The following IL1RL1 variants were observed in gnomAD, a reference collection of about 807,000 sequenced individuals.
The protein encoded by IL1RL1 is interleukin-1 receptor-like 1.
In IL1RL1, 32 loss-of-function variants were observed where a neutral mutation model predicts 50.9. The observed-to-expected ratio is 0.63, with a 90% CI of 0.47 to 0.84. The LOEUF (loss-of-function observed/expected upper bound fraction) is 0.84. Ranked by LOEUF, IL1RL1 falls within the 40% of genes least tolerant of loss-of-function variation. IL1RL1 has a pLI of 0.00. For missense variants in IL1RL1, 773 were observed against 662.9 expected, an observed-to-expected ratio of 1.17 and a Z score of -1.82; for synonymous variants, 275 against 236.0, an observed-to-expected ratio of 1.17 and a Z score of -1.51.
intron 1 of IL1RL1, among the ~76,000 whole-genome samples, chr2:102,314,547 C>T (rs1676618118): frequency 6.6e-6 from 1 of 152,116 alleles, no homozygotes; most frequent in Non-Finnish European, 1.5e-5. Flanking sequence ...AACTGCAGAT[C>T]CTATCTAAGA....
chr2:102,343,774 TC>T (rs1677676705), intron 8 of IL1RL1: 1 of 1,141,412 alleles, frequency 8.8e-7, no homozygotes, highest in Non-Finnish European at 1.1e-6. Context: ...TCTTTTGTGC[TC>T]TTTTATAACT....
intron 1 of IL1RL1, among the ~76,000 whole-genome samples, chr2:102,330,685 T>C (rs1441250692): frequency 6.6e-6 from 1 of 152,240 alleles, no homozygotes; most frequent in East Asian, 1.9e-4. Context: ...GAGTTATTTA[T>C]GAAGTATAGA....
intron 1 of IL1RL1, among the ~76,000 whole-genome samples, chr2:102,317,658 T>TA (rs1246349734): frequency 3.3e-5 from 5 of 151,990 alleles, no homozygotes; most frequent in African/African-American, 4.8e-5. Context: ...CTTATAAAAA[T>TA]AAAAAAAGAT....
chr2:102,341,586 C>T (rs1175336211), intron 5 of IL1RL1, among the ~76,000 whole-genome samples: 2 of 152,102 alleles, frequency 1.3e-5, no homozygotes, highest in South Asian at 2.1e-4. Flanking sequence ...AATACTCCAC[C>T]GCTGTAAAAT....
chr2:102,340,308 A>G (rs1357505733), intron 4 of IL1RL1, 36 bp downstream of exon 4: 2 of 1,535,334 alleles, frequency 1.3e-6, no homozygotes, highest in Non-Finnish European at 8.8e-7. Context: ...GATGAAAATT[A>G]CACAATTAAA....
At position 102,340,841 on chromosome 2, in the gene IL1RL1, C is replaced by T; in HGVS notation, c.610+13C>T. ...TTCACGGTCAAGGGTAAGCTACTGA[C>T]ATTAATGAGATAGAATACTACGTGA... On this transcript the variant is annotated intron_variant, in intron 5 of 10. Coordinates refer to ENST00000233954, the MANE Select transcript of IL1RL1 (RefSeq NM_016232.5). 1 of 1,552,480 alleles carries T rather than the reference C, an allele frequency of 6.4e-7. No individual in the cohort carries two copies. Among genetic ancestry groups the T allele is most frequent in the Admixed American group, 2.3e-5 (1 of 43,178 alleles).
chr2:102,314,783 G>A (rs924231083), intron 1 of IL1RL1, among the ~76,000 whole-genome samples: 2 of 152,164 alleles, frequency 1.3e-5, no homozygotes, highest in African/African-American at 2.4e-5. Context: ...GTTGCAATGG[G>A]CAGCACAGCC....
intron 1 of IL1RL1, among the ~76,000 whole-genome samples, chr2:102,319,798 C>G (rs1412477731): frequency 6.6e-6 from 1 of 152,184 alleles, no homozygotes; most frequent in African/African-American, 2.4e-5. Context: ...AAGCGATCCT[C>G]TTGCCTCAGC....
At chr2:102,340,342 G>A (rs1677503823) in intron 4 of IL1RL1, 70 bp downstream of exon 4, 1 of 1,314,700 alleles carries the variant, frequency 7.6e-7, no homozygotes, top group African/African-American at 1.5e-5. Context: ...GCCGGGCACA[G>A]TGGCTCATGC....
Position 102,351,563 on chromosome 2 carries a change from T to C in IL1RL1, c.1313T>C (p.Ile438Thr), listed in dbSNP as rs1573166015. 6 of 1,613,918 alleles carry C rather than the reference T, an allele frequency of 3.7e-6. No homozygotes were observed. The highest frequency in any genetic ancestry group is 2.2e-5 in the East Asian group (1 of 44,892). Residue 438 changes from isoleucine to threonine, a missense_variant, in exon 11 of 11, where the codon ATA (isoleucine) becomes ACA (threonine). Ile to Thr is a moderately conservative substitution (Grantham distance 89, BLOSUM62 -1). Coordinates refer to ENST00000233954, the MANE Select transcript of IL1RL1 (RefSeq NM_016232.5). ...EDVVTAVETN[I>T]RKSRRHIFIL... ...GTAGTCACTGCAGTGGAAACCAACA[T>C]ACGAAAGAGCAGGCGGCACATTTTC...
chr2:102,316,691 A>T (rs956291718), intron 1 of IL1RL1, among the ~76,000 whole-genome samples: 12 of 152,156 alleles, frequency 7.9e-5, no homozygotes, highest in African/African-American at 2.9e-4. Context: ...AGAATTACCT[A>T]AAAAAATTGT....
chr2:102,343,524 C>A, intron 8 of IL1RL1, 109 bp downstream of exon 8: 1 of 1,594,480 alleles, frequency 6.3e-7, no homozygotes. Flanking sequence ...TGGCCTGTGC[C>A]ATAAAATGTG....
At chr2:102,331,219 C>T (rs1325464109) in intron 1 of IL1RL1, among the ~76,000 whole-genome samples, 1 of 152,072 alleles carries the variant, frequency 6.6e-6, no homozygotes, top group Non-Finnish European at 1.5e-5. Flanking sequence ...TTGGGTATTC[C>T]CAGGACTTTA....
chr2:102,345,519 G>T, intron 8 of IL1RL1: 1 of 985,386 alleles, frequency 1.0e-6, no homozygotes, highest in Non-Finnish European at 1.2e-6. Flanking sequence ...CCATGTGTGT[G>T]GTATGGTTAG....
Position 102,338,158 on chromosome 2 carries a change from T to A in IL1RL1, c.-107T>A. On this transcript the variant is annotated 5_prime_UTR_variant, in exon 2 of 11. Transcript: ENST00000233954. The stretch of plus-strand genomic sequence containing the variant: ...CTTCCCAACTCAGTCTTGAAGAGTA[T>A]CACCAACTGCCTCATGTGTGGTGAC... 1 of 659,134 alleles carries A rather than the reference T, an allele frequency of 1.5e-6. No homozygotes were observed. The highest frequency in any genetic ancestry group is 2.7e-6 in the Non-Finnish European group (1 of 369,422). 40.8% of individuals were successfully genotyped at this position (659,134 alleles called of 1,614,324 possible).
chr2:102,351,382 C>T (rs1231184367), intron 10 of IL1RL1, among the ~76,000 whole-genome samples, 154 bp from the exon 11 acceptor site: 4 of 152,126 alleles, frequency 2.6e-5, no homozygotes, highest in African/African-American at 9.7e-5. Flanking sequence ...AAAACGGGTT[C>T]TCTATCCACA....
intron 1 of IL1RL1, among the ~76,000 whole-genome samples, chr2:102,315,973 T>G (rs1461374730): frequency 1.3e-5 from 2 of 152,210 alleles, no homozygotes; most frequent in African/African-American, 4.8e-5. Context: ...TTTTCCATTT[T>G]CTTTGTCTTC....
At chr2:102,329,106 A>T (rs1017895722) in intron 1 of IL1RL1, among the ~76,000 whole-genome samples, 3 of 152,220 alleles carry the variant, frequency 2.0e-5, no homozygotes, top group African/African-American at 7.2e-5. Context: ...AGGCTACAGT[A>T]ACCAAAACAG....
chr2:102,341,933 G>A (rs1276589739), intron 5 of IL1RL1, among the ~76,000 whole-genome samples: 1 of 152,232 alleles, frequency 6.6e-6, no homozygotes, highest in East Asian at 1.9e-4. Context: ...ACTAGGTCAT[G>A]TAATTAGTTT....
Sources: allele counts gnomAD v4.1 joint callset (sites outside exome capture counted in the v4.1 genomes callset), GRCh38; gene constraint gnomAD v4.1.1; transcripts MANE v1.5; gene names NCBI Gene and HGNC (gene_info 2026-07-23, HGNC 2026-07-21).